Variants in ARID4B observed in about 807,000 individuals in gnomAD.
The protein encoded by ARID4B is AT-rich interactive domain-containing protein 4B.
ARID4B carries 26 observed loss-of-function variants against 147.5 expected under a neutral mutation model. The ratio of observed to expected loss-of-function variants is 0.18; its 90% CI spans 0.13 to 0.24. The LOEUF (loss-of-function observed/expected upper bound fraction) is 0.24. Among genes scored for constraint, ARID4B ranks in the 10% least tolerant of loss-of-function variants. ARID4B has a pLI of 1.00. For synonymous variants in ARID4B, 512 were observed against 507.9 expected (o/e 1.01, Z -0.11); for missense variants, 1,179 against 1,511.5 (o/e 0.78, Z 3.65).
chr1:235,193,690 C>G (rs891253903), intron 19 of ARID4B, among the ~76,000 whole-genome samples: 2 of 152,160 alleles, frequency 1.3e-5, no homozygotes. Context: ...ATCCCAAATC[C>G]AAAATCTGAA....
chr1:235,176,096 T>A (rs984952562), intron 21 of ARID4B, among the ~76,000 whole-genome samples: 1 of 152,140 alleles, frequency 6.6e-6, no homozygotes, highest in Non-Finnish European at 1.5e-5. Context: ...AGTATTTCCA[T>A]AGATAACCTC....
rs1553313951 is a variant in ARID4B, at chr1:235,296,835, A to AAGGAAGGG, written c.6+30078_6+30079insCCCTTCCT. Among the ~76,000 whole-genome samples, 189 of 19,544 alleles carry AAGGAAGGG rather than the reference A, an allele frequency of 9.7e-3. 1 individual carries two copies. Among genetic ancestry groups the AAGGAAGGG allele is most frequent in the Middle Eastern group, 0.025 (1 of 40 alleles). The allele number at this position is 19,544 out of a possible 152,430, so 12.8% of individuals were successfully genotyped here. The stretch of plus-strand genomic sequence containing the variant: ...GAAGGAAGGAAGGAAGGAAGGAAGG[A>AAGGAAGGG]AGGGAGGAAGGAGGGAGGGAAGGAA... On this transcript the variant is annotated intron_variant, in intron 2 of 23. Coordinates refer to ENST00000264183, the MANE Select transcript of ARID4B (RefSeq NM_016374.6).
intron 5 of ARID4B, among the ~76,000 whole-genome samples, chr1:235,253,559 T>C (rs1418945411): frequency 6.6e-6 from 1 of 152,224 alleles, no homozygotes; most frequent in African/African-American, 2.4e-5. Context: ...TATTTGCCTA[T>C]CAAATCATCA....
chr1:235,305,109 A>AT (rs1673453483), intron 2 of ARID4B, among the ~76,000 whole-genome samples: 1 of 152,198 alleles, frequency 6.6e-6, no homozygotes, highest in African/African-American at 2.4e-5. Context: ...GGTGAGCCCT[A>AT]TTTAATATAA....
chr1:235,198,766 T>TAA (rs1453539195), intron 17 of ARID4B, among the ~76,000 whole-genome samples: 20 of 152,306 alleles, frequency 1.3e-4, no homozygotes, highest in Middle Eastern at 6.8e-3. Flanking sequence ...TAGTTGTAAT[T>TAA]AACAGTATGG....
At chr1:235,224,528 C>A (rs568607077) in intron 12 of ARID4B, among the ~76,000 whole-genome samples, 175 bp downstream of exon 12, 4 of 152,156 alleles carry the variant, frequency 2.6e-5, no homozygotes, top group Non-Finnish European at 4.4e-5. Flanking sequence ...TCAAATTCCT[C>A]ATTCTACTTG....
chr1:235,214,253 G>C (rs1666902203), intron 16 of ARID4B, among the ~76,000 whole-genome samples: 1 of 152,108 alleles, frequency 6.6e-6, no homozygotes, highest in Non-Finnish European at 1.5e-5. Context: ...AAAAATAAGT[G>C]CAGTAAAAGA....
intron 2 of ARID4B, among the ~76,000 whole-genome samples, chr1:235,302,347 G>A (rs1457541827): frequency 6.9e-6 from 1 of 145,674 alleles, no homozygotes; most frequent in Non-Finnish European, 1.5e-5. Context: ...GGGGAGGGGA[G>A]GGGAGGGAAA....
chr1:235,198,465 T>C (rs1325894202), intron 17 of ARID4B, among the ~76,000 whole-genome samples: 1 of 152,200 alleles, frequency 6.6e-6, no homozygotes, highest in Non-Finnish European at 1.5e-5. Context: ...TACTCAGATA[T>C]AATGTATGTT....
chr1:235,172,369 G>A (rs955336655), intron 23 of ARID4B, among the ~76,000 whole-genome samples: 1 of 152,126 alleles, frequency 6.6e-6, no homozygotes, highest in Non-Finnish European at 1.5e-5. Context: ...CTGAGGTCAG[G>A]AGTTAGAGAC....
At chr1:235,231,243 GATTA>G (rs1668214336) in intron 9 of ARID4B, 54 bp from the exon 10 acceptor site, 7 of 900,278 alleles carry the variant, frequency 7.8e-6, no homozygotes, top group Middle Eastern at 3.4e-4. Context: ...ATATGACTGA[GATTA>G]ATTAAGAATC....
intron 17 of ARID4B, among the ~76,000 whole-genome samples, chr1:235,196,844 T>G (rs1379045071): frequency 2.5e-5 from 3 of 122,148 alleles, no homozygotes; most frequent in African/African-American, 9.6e-5. Context: ...AGAGCGAGAC[T>G]CTGTTTCACA....
intron 3 of ARID4B, among the ~76,000 whole-genome samples, chr1:235,260,428 A>G (rs1229319112): frequency 2.6e-5 from 4 of 152,234 alleles, no homozygotes; most frequent in Admixed American, 2.0e-4. Context: ...AGACGTCTAT[A>G]GTGAAATGGC....
At chr1:235,214,546 T>TGGCA (rs1666927542) in intron 16 of ARID4B, among the ~76,000 whole-genome samples, 1 of 152,156 alleles carries the variant, frequency 6.6e-6, no homozygotes, top group Non-Finnish European at 1.5e-5. Context: ...TACTAGCAGA[T>TGGCA]GGCAGTCTTA....
chr1:235,187,093 TTTTTG>T, intron 19 of ARID4B: 1 of 392,550 alleles, frequency 2.5e-6, no homozygotes, highest in Non-Finnish European at 4.9e-6. Context: ...TTTTTTTTTT[TTTTTG>T]TAGACGGAGT....
chr1:235,174,317 G>A (rs572171069), intron 22 of ARID4B, among the ~76,000 whole-genome samples: 19 of 152,182 alleles, frequency 1.2e-4, no homozygotes, highest in Middle Eastern at 3.4e-3. Flanking sequence ...GGGATTACAG[G>A]CATGAGCCAC....
intron 6 of ARID4B, among the ~76,000 whole-genome samples, chr1:235,250,943 AGG>A (rs1669604579): frequency 1.3e-5 from 2 of 152,236 alleles, no homozygotes; most frequent in South Asian, 4.1e-4. Context: ...TTCACTTAAC[AGG>A]AGAAAAACCA....
Position 235,219,804 on chromosome 1 carries a change from T to A in ARID4B, c.1572A>T (p.Lys524Asn). Residue 524 changes from lysine (K) to asparagine (N), a missense_variant, in exon 16 of 24, where the codon AAA (lysine) becomes AAT (asparagine). By Grantham distance (94) the Lys-to-Asn change is moderately conservative. This residue lies in a region of ARID4B where 204 missense variants were observed against 210.9 expected (regional missense o/e 0.97). Coordinates refer to ENST00000264183, the MANE Select transcript of ARID4B (RefSeq NM_016374.6). Reference sequence around the variant, plus strand: ...AACAATTTTCTTACCCAGATTTTGCTTTTTCTTCCTCAGCTTCTACCTTTA... The same window carrying A: ...AACAATTTTCTTACCCAGATTTTGCATTTTCTTCCTCAGCTTCTACCTTTA... ...LNIKVEAEEE[K>N]AKSGDETNKE... is the part of the protein sequence containing the mutation. The A allele has an allele frequency of 6.3e-7, 1 of 1,597,140 alleles. No individual in the cohort carries two copies. Among genetic ancestry groups the A allele is most frequent in the Middle Eastern group, 1.7e-4 (1 of 6,012 alleles).
intron 17 of ARID4B, among the ~76,000 whole-genome samples, chr1:235,208,817 G>A (rs1255499829): frequency 6.6e-6 from 1 of 151,858 alleles, no homozygotes; most frequent in Non-Finnish European, 1.5e-5. Flanking sequence ...GTGCCCGGCC[G>A]GCCAGCAATA....
Sources: gnomAD v4.1 joint callset for allele counts (sites outside exome capture counted in the v4.1 genomes callset) on GRCh38, gnomAD v4.1.1 for gene constraint, gnomAD v4.1.1 regional missense constraint, MANE v1.5 for transcripts, NCBI Gene and HGNC (gene_info 2026-07-23, HGNC 2026-07-21) for gene names.